Variants in TNKS2 observed in about 807,000 individuals in gnomAD.
TNKS2 encodes tankyrase 2.
Under a neutral mutation model 137.6 loss-of-function variants are expected in TNKS2, and 72 were observed. That is an observed-to-expected ratio of 0.52 (90% confidence interval 0.43 to 0.64). TNKS2 has a LOEUF of 0.64. TNKS2 is among the 30% of genes least tolerant of loss of function. TNKS2 has a pLI of 0.00. For synonymous variants in TNKS2, 516 were observed against 512.1 expected (o/e 1.01, Z -0.10); for missense variants, 1,049 against 1,410.2 (o/e 0.74, Z 4.10).
chr10:91,849,877 C>G (rs1842490891), intron 20 of TNKS2, among the ~76,000 whole-genome samples: 1 of 145,378 alleles, frequency 6.9e-6, no homozygotes, highest in South Asian at 2.2e-4. Context: ...CTATTCAGTT[C>G]TCTCTCAAGC....
intron 23 of TNKS2, among the ~76,000 whole-genome samples, chr10:91,856,698 G>A (rs1237261281): frequency 6.6e-6 from 1 of 152,008 alleles, no homozygotes; most frequent in African/African-American, 2.4e-5. Flanking sequence ...TGTTGTTGTT[G>A]TTCCTTTTTA....
intron 1 of TNKS2, among the ~76,000 whole-genome samples, chr10:91,808,905 G>C (rs575630807): frequency 4.6e-5 from 7 of 152,096 alleles, no homozygotes; most frequent in Admixed American, 2.0e-4. Context: ...TTCATCTTCT[G>C]CCACAAACCT....
intron 7 of TNKS2, among the ~76,000 whole-genome samples, chr10:91,825,379 A>C (rs1416333075): frequency 6.6e-6 from 1 of 152,194 alleles, no homozygotes. Flanking sequence ...CTGGAATTAT[A>C]GGCATAAGCC....
rs760295659 is a variant in TNKS2 at position 91,817,177 on chromosome 10, T to G, written c.468T>G (p.Asp156Glu). ...CTGAGCCAACCATCCGAAATACAGA[T>G]GGAAGGACAGCATTGGATTTAGCAG... ...HGAEPTIRNT[D>E]GRTALDLADP... The change falls in exon 3 of 27, where the codon GAT becomes GAG. Residue 156 changes from aspartate (D) to glutamate (E), a missense_variant. Physicochemically the swap from Asp to Glu is conservative, Grantham distance 45. Around this residue, in one of 6 missense-constraint regions of TNKS2, gnomAD observed 374 missense variants for 460.8 expected, o/e 0.81. Coordinates refer to ENST00000371627, the MANE Select transcript of TNKS2 (RefSeq NM_025235.4). 1 of 1,613,814 alleles carries G rather than the reference T, an allele frequency of 6.2e-7. No homozygotes were observed. The highest frequency in any genetic ancestry group is 2.2e-5 in the East Asian group (1 of 44,868).
chr10:91,837,040 T>C, intron 13 of TNKS2, 42 bp downstream of exon 13: 1 of 1,594,172 alleles, frequency 6.3e-7, no homozygotes, highest in Non-Finnish European at 8.6e-7. Context: ...TGGGTTTTTA[T>C]TTTGACATTG....
intron 17 of TNKS2, among the ~76,000 whole-genome samples, 191 bp downstream of exon 17, chr10:91,845,219 T>C (rs1462047260): frequency 6.6e-6 from 1 of 152,160 alleles, no homozygotes; most frequent in Non-Finnish European, 1.5e-5. Context: ...TGCGGTGTAT[T>C]GTTGTTTGTT....
At chr10:91,808,155 T>C (rs1844390348) in intron 1 of TNKS2, among the ~76,000 whole-genome samples, 1 of 151,534 alleles carries the variant, frequency 6.6e-6, no homozygotes, top group African/African-American at 2.4e-5. Flanking sequence ...GGTGTGAAGA[T>C]AGGAAAAAAT....
chr10:91,835,276 CT>C lies in TNKS2; in HGVS notation c.1447+1260del, dbSNP rs934593143. Among the ~76,000 whole-genome samples the C allele has an allele frequency of 2.5e-3, 354 of 141,398 alleles. 2 individuals are homozygous for C. Among genetic ancestry groups the C allele is most frequent in the African/African-American group, 8.8e-3 (334 of 37,988 alleles). 92.8% of individuals were successfully genotyped at this position (141,398 alleles called of 152,430 possible). A position where few individuals can be genotyped will look rare whatever the true frequency, so the allele number is the denominator to read the frequency against. ...TTTAATGTGTTTATTGCCCATTTCT[CT>C]TTTTTTTCTTTTTTTTTTTCTTTTT... On this transcript the variant is annotated intron_variant, in intron 12 of 26. Transcript: ENST00000371627.
At chr10:91,859,758 T>C in intron 25 of TNKS2, 110 bp downstream of exon 25, 1 of 798,850 alleles carries the variant, frequency 1.3e-6, no homozygotes. Flanking sequence ...AAGCTAGGCA[T>C]GTTTTAGATT....
In TNKS2 at chr10:91,828,504, A is replaced by G. The variant is rs1203234025; in HGVS notation, c.1104+98A>G. The G allele has an allele frequency of 3.2e-5, 40 of 1,236,958 alleles. No individual in the cohort carries two copies. In the East Asian group the frequency reaches 1.0e-3, roughly 31 times the overall value. 76.6% of individuals were successfully genotyped at this position (1,236,958 alleles called of 1,614,324 possible). ...TTAGAACTAGCATTTTTTTGAGTCT[A>G]TAGTTTTAAAAAATTACTGCCTATG... On this transcript the variant is annotated intron_variant, in intron 9 of 26. Transcript: ENST00000371627.
In TNKS2 at chr10:91,862,190, CTAGGGAGGCATACTTTAACTTTT is replaced by C. The variant is rs766547063; in HGVS notation, c.3438+38_3438+60del. On this transcript the variant is annotated intron_variant, in intron 26 of 26. Coordinates refer to ENST00000371627, the MANE Select transcript of TNKS2 (RefSeq NM_025235.4). ...TTTTATTTGTTCATCTTCAAAAATG[CTAGGGAGGCATACTTTAACTTTT>C]TATTAATCTCTTGAATTGACAAGAC... The C allele has an allele frequency of 1.2e-4, 185 of 1,493,110 alleles. 2 individuals are homozygous for C. The Middle Eastern group carries it at 1.3e-3, about 10-fold the overall frequency. The allele number at this position is 1,493,110 out of a possible 1,614,324, so 92.5% of individuals were successfully genotyped here.
At chr10:91,817,291 A>C in intron 3 of TNKS2, 62 bp downstream of exon 3, 1 of 1,171,650 alleles carries the variant, frequency 8.5e-7, no homozygotes, top group Non-Finnish European at 1.2e-6. Context: ...CCAGGTAGGA[A>C]ATTTGCCTCC....
chr10:91,860,034 C>A (rs1460953290), intron 25 of TNKS2, among the ~76,000 whole-genome samples: 1 of 152,124 alleles, frequency 6.6e-6, no homozygotes, highest in Non-Finnish European at 1.5e-5. Flanking sequence ...TATTTGATGG[C>A]AGTGCCTGAG....
intron 12 of TNKS2, among the ~76,000 whole-genome samples, chr10:91,836,274 T>C (rs1177205240): frequency 6.6e-6 from 1 of 152,156 alleles, no homozygotes; most frequent in Non-Finnish European, 1.5e-5. Context: ...AAGAAGCTTT[T>C]TTATTCCATG....
At chr10:91,844,131 T>C (rs1434988509) in intron 16 of TNKS2, among the ~76,000 whole-genome samples, 1 of 152,224 alleles carries the variant, frequency 6.6e-6, no homozygotes, top group East Asian at 1.9e-4. Flanking sequence ...ACACTTAACA[T>C]TACTGTGTCC....
intron 26 of TNKS2, 116 bp downstream of exon 26, chr10:91,862,271 A>C: frequency 1.3e-6 from 1 of 795,508 alleles, no homozygotes; most frequent in Non-Finnish European, 1.8e-6. Context: ...TAAAAATTTT[A>C]TTTGGAGATA....
In TNKS2 at chr10:91,841,307, A is replaced by G. The variant is rs1436205649; in HGVS notation, c.1698A>G (p.Ala566=). Residue 566 remains alanine (A), a synonymous_variant, in exon 15 of 27, where the codon GCA becomes GCG. Coordinates refer to ENST00000371627, the MANE Select transcript of TNKS2 (RefSeq NM_025235.4). ...GAGGCCTTGTACCTTTGCACAATGC[A>G]TGTTCTTATGGACATTATGAAGTTG... ...DKGGLVPLHN[A]CSYGHYEVAE... 6 of 1,591,994 alleles carry G rather than the reference A, an allele frequency of 3.8e-6. No homozygotes were observed. Among genetic ancestry groups the G allele is most frequent in the African/African-American group, 1.4e-5 (1 of 73,740 alleles).
chr10:91,815,682 T>G (rs923723121), intron 2 of TNKS2, among the ~76,000 whole-genome samples: 1 of 152,154 alleles, frequency 6.6e-6, no homozygotes, highest in South Asian at 2.1e-4. Flanking sequence ...TCTGTTCAAA[T>G]TAATTTGAAC....
intron 2 of TNKS2, among the ~76,000 whole-genome samples, chr10:91,815,737 A>G (rs538471160): frequency 4.9e-4 from 75 of 152,194 alleles, no homozygotes; most frequent in African/African-American, 1.8e-3. Flanking sequence ...TAAATTATTT[A>G]TGTGGCTCAC....
Sources: allele counts gnomAD v4.1 joint callset (sites outside exome capture counted in the v4.1 genomes callset), GRCh38; gene constraint gnomAD v4.1.1; regional missense constraint gnomAD v4.1.1; transcripts MANE v1.5; gene names NCBI Gene and HGNC (gene_info 2026-07-23, HGNC 2026-07-21).